Variants in ZNF680 observed in about 807,000 individuals in gnomAD.
ZNF680 encodes hypothetical protein FLJ90430.
Under a neutral mutation model 12.1 loss-of-function variants are expected in ZNF680, and 6 were observed. That is an observed-to-expected ratio of 0.49 (90% CI 0.27 to 0.98). The LOEUF is 0.98. Ranked by LOEUF, ZNF680 falls within the 50% of genes least tolerant of loss-of-function variation. The pLI is 0.12. For synonymous variants in ZNF680, 170 were observed against 199.3 expected (o/e 0.85, Z 1.24); for missense variants, 561 against 616.3 (o/e 0.91, Z 0.95).
chr7:64,514,918 T>G (rs1791315587), downstream of ZNF680, among the ~76,000 whole-genome samples: 2 of 151,932 alleles, frequency 1.3e-5, no homozygotes, highest in Admixed American at 1.3e-4. Context: ...TCGCGCATGC[T>G]TGTAATCCCA....
intron 3 of ZNF680, chr7:64,526,529 CAAACAG>C: frequency 1.8e-6 from 1 of 554,974 alleles, no homozygotes; most frequent in Non-Finnish European, 3.0e-6. Flanking sequence ...TGCATATAAA[CAAACAG>C]AAATGCTAAA....
chr7:64,553,087 T>C (rs1041733076), intron 1 of ZNF680, among the ~76,000 whole-genome samples: 7 of 148,264 alleles, frequency 4.7e-5, no homozygotes, highest in African/African-American at 7.5e-5. Context: ...ACTGCGCCAC[T>C]GCACTCCAGC....
chr7:64,521,334 G>T lies in ZNF680; in HGVS notation c.1420C>A (p.Pro474Thr). ...CDECGNVFNW[P>T]ATLANHKRIH... The stretch of plus-strand genomic sequence containing the variant: ...CTCTTATGATTAGCAAGAGTTGCAG[G>T]CCAGTTAAAAACATTGCCACATTCA... Residue 474 changes from proline (P) to threonine (T), a missense_variant, in exon 4 of 4, where the codon CCT (proline) becomes ACT (threonine). Physicochemically the swap from Pro to Thr is conservative, Grantham distance 38 (BLOSUM62 -1). Transcript: ENST00000309683. 6.2e-7 allele frequency: 1 copy of T among 1,610,596 alleles called. No homozygotes were observed.
chr7:64,554,103 C>T (rs375801249), intron 1 of ZNF680, among the ~76,000 whole-genome samples: 33,317 of 148,344 alleles, frequency 0.22, 3,743 homozygotes, highest in South Asian at 0.28. Context: ...AAGTGAGGAG[C>T]GCCTCTTCCC....
At chr7:64,523,851 G>T (rs2116374135) in intron 3 of ZNF680, among the ~76,000 whole-genome samples, 1 of 151,728 alleles carries the variant, frequency 6.6e-6, no homozygotes, top group East Asian at 2.0e-4. Flanking sequence ...AGGCGGAGCT[G>T]GCAGTGAGCT....
the ZNF680 span, chr7:64,501,818 T>A: frequency 1.6e-6 from 1 of 620,184 alleles, no homozygotes; most frequent in Non-Finnish European, 3.0e-6. Context: ...TCTTCTTCTC[T>A]AGTATCTTCA....
At chr7:64,507,750 A>G in the ZNF680 span, among the ~76,000 whole-genome samples, 1 of 151,802 alleles carries the variant, frequency 6.6e-6, no homozygotes, top group Non-Finnish European at 1.5e-5. Context: ...TACTTTTCTT[A>G]GAAAAAAGAG....
the ZNF680 span, chr7:64,501,055 C>A: frequency 1.3e-6 from 1 of 775,734 alleles, no homozygotes; most frequent in Admixed American, 2.0e-5. Flanking sequence ...AATTGCTGGC[C>A]AGGTTTTAGA....
chr7:64,525,725 C>T (rs545578174), intron 3 of ZNF680: 4 of 860,032 alleles, frequency 4.7e-6, no homozygotes, highest in African/African-American at 1.8e-5. Context: ...AGATTATGAT[C>T]GTTTGTAAAT....
intron 1 of ZNF680, among the ~76,000 whole-genome samples, chr7:64,545,286 A>G (rs1270482495): frequency 7.6e-6 from 1 of 131,434 alleles, no homozygotes; most frequent in East Asian, 1.9e-4. Context: ...AAAAAAAAAA[A>G]AAAAAAGATC....
chr7:64,558,657 T>C (rs536118718), intron 1 of ZNF680, among the ~76,000 whole-genome samples: 68 of 152,290 alleles, frequency 4.5e-4, no homozygotes, highest in African/African-American at 1.5e-3. Context: ...TGTTACTGTT[T>C]TGAGGCAGTT....
intron 3 of ZNF680, among the ~76,000 whole-genome samples, chr7:64,535,614 A>T (rs906738079): frequency 2.0e-5 from 3 of 152,192 alleles, no homozygotes; most frequent in Admixed American, 6.5e-5. Context: ...CGATTGGGTG[A>T]GATGGTCATC....
chr7:64,537,253 A>G (rs760953991), intron 3 of ZNF680, among the ~76,000 whole-genome samples: 1 of 152,190 alleles, frequency 6.6e-6, no homozygotes, highest in Non-Finnish European at 1.5e-5. Context: ...TCAGGAGGCC[A>G]AGGCAGAAGG....
chr7:64,510,231 A>T, the ZNF680 span, among the ~76,000 whole-genome samples: 43 of 11,164 alleles, frequency 3.9e-3, no homozygotes, highest in East Asian at 0.011. Flanking sequence ...TACGTAATAA[A>T]AAAAAAAAAA....
At chr7:64,500,680 G>A in the ZNF680 span, 14 of 226,988 alleles carry the variant, frequency 6.2e-5, no homozygotes, top group Admixed American at 7.4e-4. Context: ...GTGAAGAGAC[G>A]AAGACTGAGC....
chr7:64,537,694 A>G (rs1366969039), intron 3 of ZNF680, among the ~76,000 whole-genome samples: 8 of 152,276 alleles, frequency 5.3e-5, no homozygotes, highest in Middle Eastern at 3.4e-3. Flanking sequence ...TTGGGAGGCC[A>G]AGGCGGGCAG....
chr7:64,508,531 T>TA, the ZNF680 span, among the ~76,000 whole-genome samples: 1 of 152,158 alleles, frequency 6.6e-6, no homozygotes, highest in Admixed American at 6.5e-5. Context: ...GCTACGTGAC[T>TA]AAAAATGAAA....
the ZNF680 span, among the ~76,000 whole-genome samples, chr7:64,505,406 G>A: frequency 6.6e-6 from 1 of 152,068 alleles, no homozygotes; most frequent in African/African-American, 2.4e-5. Flanking sequence ...ATGTCTTCAA[G>A]GTATTTCAAT....
intron 1 of ZNF680, chr7:64,561,071 A>G (rs1787708529): frequency 6.6e-6 from 1 of 151,998 alleles, no homozygotes; most frequent in South Asian, 2.1e-4. Flanking sequence ...GAATCCAGAA[A>G]TTATTTCTAT....
Sources: gnomAD v4.1 joint callset for allele counts (sites outside exome capture counted in the v4.1 genomes callset) on GRCh38, gnomAD v4.1.1 for gene constraint, MANE v1.5 for transcripts, NCBI Gene and HGNC (gene_info 2026-07-23, HGNC 2026-07-21) for gene names.